OPN5: variants seen among roughly 807,000 people sequenced by gnomAD.
OPN5 encodes the protein opsin 5.
In OPN5, 18 loss-of-function variants were observed where a neutral mutation model predicts 41.7. That is an observed-to-expected ratio of 0.43 (90% CI 0.30 to 0.64). The LOEUF (loss-of-function observed/expected upper bound fraction) is 0.64. OPN5 is among the 30% of genes least tolerant of loss of function. OPN5 has a pLI of 0.13. For missense variants in OPN5, 318 were observed against 434.5 expected (o/e 0.73, Z 2.38); for synonymous variants, 178 against 164.3 (o/e 1.08, Z -0.64).
chr6:47,807,700 T>G (rs572070717), intron 4 of OPN5, among the ~76,000 whole-genome samples: 1 of 152,274 alleles, frequency 6.6e-6, no homozygotes, highest in South Asian at 2.1e-4. Flanking sequence ...TAGAAATTTC[T>G]GAACATGCAA....
Position 47,795,778 on chromosome 6 carries a change from T to TCACA in OPN5, c.756+246_756+249dup, listed in dbSNP as rs57933636. Among the ~76,000 whole-genome samples, 565 of 142,880 alleles carry TCACA rather than the reference T, an allele frequency of 4.0e-3. 1 individual carries two copies. The highest frequency in any genetic ancestry group is 5.3e-3 in the African/African-American group (195 of 36,806). 93.7% of individuals were successfully genotyped at this position (142,880 alleles called of 152,430 possible). ...CTTCTCTCTTCTCTCTCTCTCTCTC[T>TCACA]CACACACACACACACACACACACAC... On this transcript the variant is annotated intron_variant, in intron 4 of 6. Coordinates refer to ENST00000371211, the Ensembl canonical transcript of OPN5.
At chr6:47,821,888 G>T (rs1394593253) in intron 6 of OPN5, among the ~76,000 whole-genome samples, 1 of 152,104 alleles carries the variant, frequency 6.6e-6, no homozygotes, top group African/African-American at 2.4e-5. Context: ...GCCAAGGTGG[G>T]CAGATCAAGT....
At chr6:47,797,554 A>G (rs9473181) in intron 4 of OPN5, among the ~76,000 whole-genome samples, 22,377 of 152,220 alleles carry the variant, frequency 0.15, 1,762 homozygotes, top group Middle Eastern at 0.17. Context: ...GGGCAAATGT[A>G]CCAATGATGA....
intron 4 of OPN5, among the ~76,000 whole-genome samples, chr6:47,806,593 G>A (rs559888947): frequency 6.6e-6 from 1 of 152,140 alleles, no homozygotes; most frequent in Admixed American, 6.5e-5. Context: ...TTACTCTACA[G>A]GCTAATCCTC....
intron 4 of OPN5, among the ~76,000 whole-genome samples, chr6:47,795,783 C>CTT (rs1471487039): frequency 4.7e-5 from 2 of 42,864 alleles, no homozygotes; most frequent in African/African-American, 1.5e-4. Flanking sequence ...CTCTCTCACA[C>CTT]ACACACACAC....
intron 6 of OPN5, among the ~76,000 whole-genome samples, chr6:47,821,754 T>C (rs748615464): frequency 5.9e-5 from 9 of 152,134 alleles, no homozygotes; most frequent in South Asian, 4.2e-4. Context: ...ATGTAAATCA[T>C]TGGGCCCCAC....
chr6:47,794,933 A>C (rs898938255), intron 3 of OPN5: 5 of 308,208 alleles, frequency 1.6e-5, no homozygotes, highest in Non-Finnish European at 1.8e-5. Flanking sequence ...AAGGGCCTCC[A>C]TTGTCTTCAG....
At chr6:47,800,928 A>G (rs1372475213) in intron 4 of OPN5, among the ~76,000 whole-genome samples, 2 of 152,192 alleles carry the variant, frequency 1.3e-5, no homozygotes, top group Non-Finnish European at 2.9e-5. Context: ...TAATTCATTT[A>G]ACACACATCA....
At chr6:47,783,740 CAGAA>C (rs1477633229) in intron 1 of OPN5, among the ~76,000 whole-genome samples, 1 of 152,194 alleles carries the variant, frequency 6.6e-6, no homozygotes, top group Non-Finnish European at 1.5e-5. Flanking sequence ...TCTGCTGGAA[CAGAA>C]ACTGTCTTAT....
chr6:47,797,307 T>G (rs945911310), intron 4 of OPN5, among the ~76,000 whole-genome samples: 4 of 152,188 alleles, frequency 2.6e-5, no homozygotes, highest in Admixed American at 6.6e-5. Flanking sequence ...ATAGAACAGT[T>G]CTTGGACAAA....
chr6:47,790,802 A>C (rs1381061864), intron 2 of OPN5, among the ~76,000 whole-genome samples: 1 of 151,998 alleles, frequency 6.6e-6, no homozygotes, highest in African/African-American at 2.4e-5. Flanking sequence ...CTGCTTCTCT[A>C]ATTAAGGCTT....
intron 4 of OPN5, among the ~76,000 whole-genome samples, chr6:47,798,680 A>C (rs946922287): frequency 1.3e-5 from 2 of 152,034 alleles, no homozygotes; most frequent in Non-Finnish European, 2.9e-5. Context: ...ATTTGTGCAG[A>C]AAATGTAAGA....
chr6:47,782,630 T>G lies in OPN5; in HGVS notation c.130+434T>G, dbSNP rs547436819. Among the ~76,000 whole-genome samples the G allele has an allele frequency of 4.3e-4, 66 of 152,300 alleles. No individual in the cohort carries two copies. The South Asian group carries it at 0.013, about 30-fold the overall frequency. On this transcript the variant is annotated intron_variant, in intron 1 of 6. Coordinates refer to ENST00000371211, the Ensembl canonical transcript of OPN5. ...TCCTGTTCTCACAACTGTGCAAAAC[T>G]CAATTGTGCTATTGTGCTATAGTAC...
At chr6:47,784,350 G>T (rs1202747552) in intron 1 of OPN5, among the ~76,000 whole-genome samples, 1 of 151,800 alleles carries the variant, frequency 6.6e-6, no homozygotes, top group African/African-American at 2.4e-5. Flanking sequence ...AGGTTGGAGT[G>T]CAGTGGTGCG....
intron 4 of OPN5, among the ~76,000 whole-genome samples, chr6:47,796,326 A>G (rs746765071): frequency 2.6e-5 from 4 of 152,180 alleles, no homozygotes; most frequent in Non-Finnish European, 5.9e-5. Context: ...CATCTGGTGC[A>G]TAGAAGGTGT....
chr6:47,809,625 C>A (rs1774115804), intron 5 of OPN5, among the ~76,000 whole-genome samples: 1 of 152,264 alleles, frequency 6.6e-6, no homozygotes, highest in South Asian at 2.1e-4. Context: ...TAAACAGTAA[C>A]AATACCCATC....
intron 5 of OPN5, among the ~76,000 whole-genome samples, chr6:47,808,753 A>G (rs1774076184): frequency 6.7e-6 from 1 of 149,662 alleles, no homozygotes; most frequent in African/African-American, 2.5e-5. Context: ...TGATCTCACA[A>G]TAGAATGGTT....
At chr6:47,821,417 A>G (rs1762619842) in intron 6 of OPN5, among the ~76,000 whole-genome samples, 1 of 152,162 alleles carries the variant, frequency 6.6e-6, no homozygotes, top group African/African-American at 2.4e-5. Context: ...AAATTCTAGG[A>G]GGGTCTTCAA....
intron 6 of OPN5, among the ~76,000 whole-genome samples, chr6:47,814,200 GA>G (rs1374873752): frequency 6.6e-6 from 1 of 151,932 alleles, no homozygotes; most frequent in Non-Finnish European, 1.5e-5. Flanking sequence ...GTGGGGGGAT[GA>G]TTGTGGAAGT....
Sources: gnomAD v4.1 joint callset for allele counts (sites outside exome capture counted in the v4.1 genomes callset) on GRCh38, gnomAD v4.1.1 for gene constraint, MANE v1.5 for transcripts, NCBI Gene and HGNC (gene_info 2026-07-23, HGNC 2026-07-21) for gene names.